Variants in APLF observed in about 807,000 individuals in gnomAD.
APLF encodes aprataxin and PNK-like factor.
In APLF, 61 loss-of-function variants were observed where a neutral mutation model predicts 55.6. The ratio of observed to expected loss-of-function variants is 1.10; its 90% CI spans 0.89 to 1.36. APLF has a LOEUF of 1.36. Among genes scored for constraint, APLF ranks in the 40% most tolerant of loss-of-function variants. APLF has a pLI of 0.00. For synonymous variants in APLF, 207 were observed against 214.8 expected (o/e 0.96, Z 0.32); for missense variants, 611 against 602.5 (o/e 1.01, Z -0.15).
intron 3 of APLF, among the ~76,000 whole-genome samples, chr2:68,504,020 A>T (rs1179336982): frequency 6.6e-6 from 1 of 152,020 alleles, no homozygotes; most frequent in Non-Finnish European, 1.5e-5. Context: ...CATTACTGCT[A>T]CTACAGACCT....
chr2:68,518,406 ATTATATATTATATAATAAT>A (rs1352741811), intron 5 of APLF, among the ~76,000 whole-genome samples: 2 of 112,230 alleles, frequency 1.8e-5, no homozygotes, highest in Admixed American at 2.3e-4. Flanking sequence ...ATAACAATAT[ATTATATATTATATAATAAT>A]TTATTATATA....
chr2:68,541,429 C>G (rs901360286), intron 7 of APLF, among the ~76,000 whole-genome samples: 6 of 151,776 alleles, frequency 4.0e-5, no homozygotes, highest in South Asian at 4.2e-4. Flanking sequence ...TAACTAGCAA[C>G]CAATAAGAAA....
chr2:68,538,298 A>G (rs958601258), intron 7 of APLF, 71 bp downstream of exon 7: 4 of 1,365,658 alleles, frequency 2.9e-6, no homozygotes, highest in South Asian at 1.5e-5. Flanking sequence ...TACATGCTAC[A>G]GTATATTAAA....
At chr2:68,567,466 G>T in intron 9 of APLF, 79 bp downstream of exon 9, 1 of 1,140,038 alleles carries the variant, frequency 8.8e-7, no homozygotes, top group East Asian at 2.6e-5. Flanking sequence ...CAGTTATTAT[G>T]AAAATATTTT....
chr2:68,533,030 A>G (rs1187004660), intron 6 of APLF, among the ~76,000 whole-genome samples: 5 of 152,150 alleles, frequency 3.3e-5, no homozygotes, highest in African/African-American at 1.2e-4. Context: ...GTTTAAGGCC[A>G]GCCTGGGTGA....
chr2:68,509,379 A>AAAAC (rs1385626788), intron 3 of APLF, among the ~76,000 whole-genome samples: 9 of 151,340 alleles, frequency 5.9e-5, no homozygotes, highest in Non-Finnish European at 1.0e-4. Flanking sequence ...TTATAAGAAA[A>AAAAC]AAACAACCCC....
chr2:68,552,543 A>G (rs1265876463), intron 8 of APLF, among the ~76,000 whole-genome samples: 1 of 152,156 alleles, frequency 6.6e-6, no homozygotes, highest in Non-Finnish European at 1.5e-5. Context: ...ATTCTGTCAT[A>G]AAAGTGATTT....
chr2:68,512,438 A>T (rs1408750880), intron 3 of APLF, among the ~76,000 whole-genome samples: 1 of 151,808 alleles, frequency 6.6e-6, no homozygotes, highest in Non-Finnish European at 1.5e-5. Flanking sequence ...GAAAAGACAA[A>T]TTCGTTGGAT....
intron 2 of APLF, among the ~76,000 whole-genome samples, chr2:68,492,807 A>G (rs906123564): frequency 6.6e-6 from 1 of 152,224 alleles, no homozygotes; most frequent in South Asian, 2.1e-4. Flanking sequence ...TATAAAACTA[A>G]AATTTGGAAT....
intron 4 of APLF, 117 bp downstream of exon 4, chr2:68,513,344 G>T: frequency 7.5e-7 from 1 of 1,333,880 alleles, no homozygotes; most frequent in South Asian, 1.5e-5. Flanking sequence ...ATCTACTTTT[G>T]CTGATTTTAA....
At chr2:68,504,084 G>C (rs1373838991) in intron 3 of APLF, among the ~76,000 whole-genome samples, 1 of 151,920 alleles carries the variant, frequency 6.6e-6, no homozygotes, top group African/African-American at 2.4e-5. Flanking sequence ...AAATTTGGCA[G>C]TTAAAATGAA....
At chr2:68,571,866 T>C (rs905506195) in intron 9 of APLF, among the ~76,000 whole-genome samples, 1 of 152,180 alleles carries the variant, frequency 6.6e-6, no homozygotes, top group Non-Finnish European at 1.5e-5. Flanking sequence ...GTTGACAACA[T>C]TTAAAGGAAA....
chr2:68,492,841 T>C (rs1480766308), intron 2 of APLF, among the ~76,000 whole-genome samples: 1 of 152,210 alleles, frequency 6.6e-6, no homozygotes, highest in African/African-American at 2.4e-5. Context: ...TATACCTCTG[T>C]TTATGATCTT....
In APLF at chr2:68,537,906, G is replaced by A. The variant is rs1032572906; in HGVS notation, c.839G>A (p.Ser280Asn). 3 of 1,598,474 alleles carry A rather than the reference G, an allele frequency of 1.9e-6. No individual in the cohort carries two copies. The African/African-American group carries it at 4.1e-5, about 22-fold the overall frequency. ...CAATCATTTTCTGCAATCACATTAA[G>A]TAACACAGAGATGAATAATATTAAG... is the stretch of plus-strand genomic sequence containing the variant. ...MPQSFSAITL[S>N]NTEMNNIKTN... The change falls in exon 7 of 10, where the codon AGT (serine) becomes AAT (asparagine). Residue 280 changes from serine (S) to asparagine (N), a missense_variant. Physicochemically the swap from Ser to Asn is conservative, Grantham distance 46. Transcript: ENST00000303795.
intron 3 of APLF, among the ~76,000 whole-genome samples, chr2:68,503,768 C>G (rs1676794543): frequency 6.6e-6 from 1 of 151,912 alleles, no homozygotes; most frequent in Admixed American, 6.6e-5. Context: ...ATCTGTAAAA[C>G]CAGTGATCTG....
At chr2:68,491,059 G>C (rs10211211) in intron 2 of APLF, among the ~76,000 whole-genome samples, 36,011 of 151,940 alleles carry the variant, frequency 0.24, 6,815 homozygotes, top group African/African-American at 0.53. Context: ...TTAACTGTTT[G>C]CAAATTTGGA....
intron 3 of APLF, among the ~76,000 whole-genome samples, chr2:68,511,978 G>A (rs570329186): frequency 3.3e-5 from 5 of 151,608 alleles, no homozygotes; most frequent in South Asian, 2.1e-4. Flanking sequence ...TAAAACAAGC[G>A]GTTAATTAGA....
chr2:68,571,892 T>C (rs1671479553), intron 9 of APLF, among the ~76,000 whole-genome samples: 1 of 152,208 alleles, frequency 6.6e-6, no homozygotes, highest in South Asian at 2.1e-4. Flanking sequence ...ATCAATATTT[T>C]ATCTAATTAT....
At position 68,487,528 on chromosome 2, in the gene APLF, A is replaced by C. The variant is rs376213491; in HGVS notation, c.97-2662A>C. Among the ~76,000 whole-genome samples the C allele has an allele frequency of 4.8e-4, 73 of 152,252 alleles. 1 individual carries two copies. Among genetic ancestry groups the C allele is most frequent in the African/African-American group, 1.7e-3 (70 of 41,526 alleles). On this transcript the variant is annotated intron_variant, in intron 1 of 9. Coordinates refer to ENST00000303795, the MANE Select transcript of APLF (RefSeq NM_173545.3). ...GATTTTGTGAAGACTGAAAAAGATG[A>C]TACATGACAAGTCTAGAATGGTGCT...
Sources: allele counts gnomAD v4.1 joint callset (sites outside exome capture counted in the v4.1 genomes callset), GRCh38; gene constraint gnomAD v4.1.1; transcripts MANE v1.5; gene names NCBI Gene and HGNC (gene_info 2026-07-23, HGNC 2026-07-21).